Variants in ANK2 observed in about 807,000 individuals in gnomAD.
ANK2 encodes ankyrin-2.
Under a neutral mutation model 360.5 loss-of-function variants are expected in ANK2, and 83 were observed. The ratio of observed to expected loss-of-function variants is 0.23; its 90% CI spans 0.19 to 0.28. The LOEUF (loss-of-function observed/expected upper bound fraction) is 0.28, where lower values mean the gene tolerates loss of function less well. Among genes scored for constraint, ANK2 ranks in the 10% least tolerant of loss-of-function variants. The pLI is 1.00. For synonymous variants in ANK2, 1,740 were observed against 1,759.5 expected (o/e 0.99, Z 0.28); for missense variants, 4,201 against 4,795.7 (o/e 0.88, Z 3.66).
intron 32 of ANK2, among the ~76,000 whole-genome samples, chr4:113,340,078 C>G (rs1031197061): frequency 3.3e-5 from 5 of 152,122 alleles, no homozygotes; most frequent in African/African-American, 9.7e-5. Flanking sequence ...GTTTATAGTT[C>G]CAGCCACCCA....
chr4:113,081,738 C>A (rs138657811), intron 1 of ANK2, among the ~76,000 whole-genome samples: 1 of 151,906 alleles, frequency 6.6e-6, no homozygotes, highest in African/African-American at 2.4e-5. Context: ...ATATACACAG[C>A]CATTAGTATG....
rs368903397 is a variant in ANK2, at chr4:113,334,124, A to G, written c.3379+916A>G. Among the ~76,000 whole-genome samples the G allele has an allele frequency of 1.5e-3, 228 of 152,282 alleles. 3 individuals carry two copies. The South Asian group carries it at 0.016, about 10-fold the overall frequency. ...GAGTCTTCTGGCACTAGTTTCAGAT[A>G]TGGCTTATGGATAGGAAAGAGTAGC... On this transcript the variant is annotated intron_variant, in intron 29 of 45. Coordinates refer to ENST00000357077, the MANE Select transcript of ANK2 (RefSeq NM_001148.6).
intron 1 of ANK2, among the ~76,000 whole-genome samples, chr4:112,898,188 TTAA>T (rs1251791346): frequency 6.6e-6 from 1 of 152,146 alleles, no homozygotes; most frequent in Non-Finnish European, 1.5e-5. Context: ...TTTATTGCAA[TTAA>T]TAATAAATTA....
intron 45 of ANK2, among the ~76,000 whole-genome samples, chr4:113,378,409 C>CA (rs1168740131): frequency 6.6e-6 from 1 of 152,172 alleles, no homozygotes; most frequent in African/African-American, 2.4e-5. Flanking sequence ...GAATGAGACT[C>CA]ACGCTTACAC....
intron 4 of ANK2, among the ~76,000 whole-genome samples, chr4:113,214,681 GGT>G (rs2099066229): frequency 6.6e-6 from 1 of 152,110 alleles, no homozygotes; most frequent in Admixed American, 6.5e-5. Context: ...GTATGAGCAT[GGT>G]AGGTTAGGAC....
intron 1 of ANK2, among the ~76,000 whole-genome samples, chr4:112,839,408 A>G (rs1289602577): frequency 6.6e-6 from 1 of 152,128 alleles, no homozygotes; most frequent in Non-Finnish European, 1.5e-5. Context: ...TTTTAGTGAC[A>G]GCCTGGAAAA....
intron 14 of ANK2, among the ~76,000 whole-genome samples, chr4:113,269,555 A>G (rs976329761): frequency 2.0e-5 from 3 of 152,178 alleles, no homozygotes; most frequent in African/African-American, 7.2e-5. Context: ...TGTGCTTTCC[A>G]GGTGAAGTGA....
the ANK2 span, among the ~76,000 whole-genome samples, chr4:112,763,720 G>C: frequency 4.1e-5 from 6 of 145,996 alleles, no homozygotes; most frequent in Admixed American, 4.1e-4. Flanking sequence ...TTTTAGTAGA[G>C]ACGGGGTTTC....
At chr4:113,179,293 C>T (rs1197948581) in intron 2 of ANK2, among the ~76,000 whole-genome samples, 1 of 152,172 alleles carries the variant, frequency 6.6e-6, no homozygotes, top group African/African-American at 2.4e-5. Context: ...ACTTTCTGTA[C>T]TCTGTTGCAT....
At chr4:113,126,850 T>G (rs313961) in intron 1 of ANK2, among the ~76,000 whole-genome samples, 142,145 of 152,252 alleles carry the variant, frequency 0.93, 66,489 homozygotes, top group East Asian at 1. Context: ...AAATATAAAA[T>G]AAGACTTTGT....
At chr4:112,887,136 G>A (rs544413904) in intron 1 of ANK2, among the ~76,000 whole-genome samples, 5 of 152,050 alleles carry the variant, frequency 3.3e-5, no homozygotes, top group South Asian at 2.1e-4. Flanking sequence ...AGTCATCTGC[G>A]TACTTATTTT....
At chr4:113,184,756 C>A (rs188731604) in intron 2 of ANK2, among the ~76,000 whole-genome samples, 3 of 152,010 alleles carry the variant, frequency 2.0e-5, no homozygotes, top group Admixed American at 6.5e-5. Flanking sequence ...ATGTGCAGAA[C>A]GTGCAGGTTT....
intron 10 of ANK2, among the ~76,000 whole-genome samples, chr4:113,254,979 TA>T (rs35135724): frequency 0.36 from 54,336 of 151,962 alleles, 10,927 homozygotes; most frequent in Non-Finnish European, 0.46. Flanking sequence ...TATTTAGCTT[TA>T]AAAAAAATGA....
chr4:112,927,252 A>T lies in ANK2; in HGVS notation c.21+22738A>T, dbSNP rs901779247. ...ACCTTTGAACCAGTTTTAACATCTT[A>T]CTGATCCTCTCATTAATTAATTAGC... On this transcript the variant is annotated intron_variant, in intron 2 of 30. Transcript: ENST00000503271. Among the ~76,000 whole-genome samples, 14 of 152,196 alleles carry T rather than the reference A, an allele frequency of 9.2e-5. No homozygotes were observed. The East Asian group carries it at 1.3e-3, about 15-fold the overall frequency.
At chr4:112,820,823 T>C (rs1478179339) in intron 1 of ANK2, among the ~76,000 whole-genome samples, 1 of 152,170 alleles carries the variant, frequency 6.6e-6, no homozygotes, top group Non-Finnish European at 1.5e-5. Context: ...CATGTAACCT[T>C]AAACTCGGGT....
chr4:113,253,648 C>T (rs902191757), intron 10 of ANK2, among the ~76,000 whole-genome samples: 1 of 152,120 alleles, frequency 6.6e-6, no homozygotes, highest in East Asian at 1.9e-4. Flanking sequence ...CATTCTGTCA[C>T]CAAACACTGT....
At chr4:112,805,280 T>C in the ANK2 span, among the ~76,000 whole-genome samples, 2 of 152,204 alleles carry the variant, frequency 1.3e-5, no homozygotes, top group East Asian at 3.9e-4. Context: ...GGAAATTCTT[T>C]AAAAAAATGA....
In ANK2 at chr4:112,946,541, C is replaced by T. The variant is rs550527640; in HGVS notation, c.21+42027C>T. Among the ~76,000 whole-genome samples the T allele has an allele frequency of 3.3e-5, 5 of 152,240 alleles. No homozygotes were observed. In the South Asian group the frequency reaches 1.0e-3, roughly 32 times the overall value. On this transcript the variant is annotated intron_variant, in intron 2 of 30. Transcript: ENST00000503271. ...AATCTGGGGAGAATTAGAAGGCAAA[C>T]GTGGTGGTGTTCTCATCAATCAGAT...
At chr4:113,045,106 CT>C (rs576085245), upstream of ANK2, among the ~76,000 whole-genome samples, 125 of 152,206 alleles carry the variant, frequency 8.2e-4, no homozygotes, top group African/African-American at 2.9e-3. Flanking sequence ...GACATCAAGG[CT>C]TTATACTTCA....
Sources: gnomAD v4.1 joint callset for allele counts (sites outside exome capture counted in the v4.1 genomes callset) on GRCh38, gnomAD v4.1.1 for gene constraint, MANE v1.5 for transcripts, NCBI Gene and HGNC (gene_info 2026-07-23, HGNC 2026-07-21) for gene names.